Variants in SEMA5A observed in about 807,000 individuals in gnomAD.
SEMA5A encodes semaphorin 5A, also known as semaphorin-5A.
In SEMA5A, 55 loss-of-function variants were observed where a neutral mutation model predicts 135.5. The ratio of observed to expected loss-of-function variants is 0.41; its 90% CI spans 0.33 to 0.51. The LOEUF is 0.51. Ranked by LOEUF, SEMA5A falls within the 20% of genes least tolerant of loss-of-function variation. The probability of loss-of-function intolerance (pLI) is 0.37; values close to 1 mark genes in which losing one functional copy is unlikely to be tolerated. For missense variants in SEMA5A, 1,290 were observed against 1,419.9 expected (o/e 0.91, Z 1.47); for synonymous variants, 580 against 546.5 (o/e 1.06, Z -0.85).
intron 1 of SEMA5A, among the ~76,000 whole-genome samples, chr5:9,450,754 A>G (rs933641717): frequency 1.3e-5 from 2 of 150,884 alleles, no homozygotes; most frequent in African/African-American, 4.9e-5. Context: ...GATCTACCAC[A>G]TCAAAAAAAA....
intron 11 of SEMA5A, among the ~76,000 whole-genome samples, chr5:9,188,254 C>G (rs1272522766): frequency 1.3e-5 from 2 of 152,218 alleles, no homozygotes; most frequent in Admixed American, 1.3e-4. Context: ...AATGAGTCAT[C>G]AGCCACCATG....
chr5:9,287,078 G>C (rs1372199806), intron 5 of SEMA5A, among the ~76,000 whole-genome samples: 2 of 152,152 alleles, frequency 1.3e-5, no homozygotes, highest in African/African-American at 2.4e-5. Flanking sequence ...GACCAGAAGC[G>C]AATGGGTCAA....
chr5:9,282,992 CT>C (rs1750618912), intron 5 of SEMA5A, among the ~76,000 whole-genome samples: 1 of 152,176 alleles, frequency 6.6e-6, no homozygotes, highest in South Asian at 2.1e-4. Context: ...GGAACCAGAC[CT>C]GCCAACACCC....
At chr5:9,479,978 G>A (rs1227206210) in intron 1 of SEMA5A, among the ~76,000 whole-genome samples, 1 of 152,212 alleles carries the variant, frequency 6.6e-6, no homozygotes, top group African/African-American at 2.4e-5. Context: ...GAAATCCTCT[G>A]ATAAATGTTC....
At chr5:9,206,716 A>C (rs1278124527) in intron 8 of SEMA5A, among the ~76,000 whole-genome samples, 3 of 151,870 alleles carry the variant, frequency 2.0e-5, no homozygotes, top group African/African-American at 2.4e-5. Context: ...ACTAGAATCA[A>C]AGTCAATTAT....
intron 1 of SEMA5A, among the ~76,000 whole-genome samples, chr5:9,494,256 G>T (rs186477698): frequency 6.6e-6 from 1 of 152,236 alleles, no homozygotes; most frequent in Non-Finnish European, 1.5e-5. Context: ...ACACATCAAA[G>T]TTAATTATCT....
At chr5:9,431,462 A>G (rs1757852812) in intron 2 of SEMA5A, among the ~76,000 whole-genome samples, 1 of 152,200 alleles carries the variant, frequency 6.6e-6, no homozygotes, top group Non-Finnish European at 1.5e-5. Context: ...GCTTTAAACA[A>G]AAACAAATGA....
At chr5:9,324,025 G>A (rs980520460) in intron 4 of SEMA5A, among the ~76,000 whole-genome samples, 1 of 151,600 alleles carries the variant, frequency 6.6e-6, no homozygotes, top group African/African-American at 2.4e-5. Flanking sequence ...AAACAGTTTA[G>A]TATTCACCTT....
intron 4 of SEMA5A, among the ~76,000 whole-genome samples, chr5:9,322,568 T>A (rs1752677324): frequency 6.6e-6 from 1 of 152,108 alleles, no homozygotes; most frequent in South Asian, 2.1e-4. Context: ...TTTACCCCAT[T>A]CCATATTTTT....
chr5:9,464,879 G>T (rs1759196522), intron 1 of SEMA5A, among the ~76,000 whole-genome samples: 1 of 152,230 alleles, frequency 6.6e-6, no homozygotes, highest in African/African-American at 2.4e-5. Flanking sequence ...TCTCACAGCG[G>T]TCTGCAGCCA....
intron 3 of SEMA5A, among the ~76,000 whole-genome samples, chr5:9,372,184 C>T (rs1371700342): frequency 1.3e-5 from 2 of 152,214 alleles, no homozygotes; most frequent in Non-Finnish European, 2.9e-5. Context: ...GAGGAATCCT[C>T]TACTGCAGCC....
chr5:9,203,648 A>G (rs1305640789), intron 8 of SEMA5A, among the ~76,000 whole-genome samples: 1 of 152,194 alleles, frequency 6.6e-6, no homozygotes, highest in East Asian at 1.9e-4. Context: ...CCAACTTTAC[A>G]TTTTAAAAAT....
chr5:9,176,190 C>T (rs1338023550), intron 11 of SEMA5A, among the ~76,000 whole-genome samples: 2 of 152,164 alleles, frequency 1.3e-5, no homozygotes, highest in African/African-American at 2.4e-5. Flanking sequence ...AAGACTGGGC[C>T]TCTCTGAGAA....
intron 11 of SEMA5A, among the ~76,000 whole-genome samples, chr5:9,162,577 TATATATATAC>T (rs1743348345): frequency 3.9e-5 from 5 of 128,496 alleles, no homozygotes; most frequent in South Asian, 2.5e-4. Flanking sequence ...TATATATATA[TATATATATAC>T]ACACACACAC....
intron 1 of SEMA5A, among the ~76,000 whole-genome samples, chr5:9,505,963 A>G (rs1425312453): frequency 1.3e-5 from 2 of 152,240 alleles, no homozygotes; most frequent in East Asian, 3.9e-4. Flanking sequence ...AAAACCATAA[A>G]GAATGAGTTG....
intron 1 of SEMA5A, among the ~76,000 whole-genome samples, chr5:9,521,921 A>G (rs376703706): frequency 4.6e-5 from 7 of 152,264 alleles, no homozygotes; most frequent in East Asian, 1.9e-4. Flanking sequence ...GCTGCCTGTC[A>G]CACCTGTCCT....
intron 13 of SEMA5A, among the ~76,000 whole-genome samples, chr5:9,136,048 G>A (rs569672084): frequency 7.2e-5 from 11 of 152,252 alleles, no homozygotes; most frequent in Middle Eastern, 3.4e-3. Context: ...CAGGATCTAC[G>A]GGTTGGCCCC....
chr5:9,283,946 C>T (rs1417613066), intron 5 of SEMA5A, among the ~76,000 whole-genome samples: 1 of 152,104 alleles, frequency 6.6e-6, no homozygotes, highest in African/African-American at 2.4e-5. Flanking sequence ...AATCACTGTA[C>T]ATCTCCACGC....
At chr5:9,141,735 TGTTA>T (rs1742077684) in intron 12 of SEMA5A, among the ~76,000 whole-genome samples, 1 of 152,210 alleles carries the variant, frequency 6.6e-6, no homozygotes, top group Admixed American at 6.5e-5. Context: ...TTACGTTTTT[TGTTA>T]GTTGGAGTAA....
Sources: allele counts gnomAD v4.1 joint callset (sites outside exome capture counted in the v4.1 genomes callset), GRCh38; gene constraint gnomAD v4.1.1; transcripts MANE v1.5; gene names NCBI Gene and HGNC (gene_info 2026-07-23, HGNC 2026-07-21).